The following ANXA4 variants were observed in gnomAD, a reference collection of about 807,000 sequenced individuals.
ANXA4 encodes annexin A4.
In ANXA4, 39 loss-of-function variants were observed where a neutral mutation model predicts 49.8. That is an observed-to-expected ratio of 0.78 (90% CI 0.61 to 1.02). ANXA4 has a LOEUF of 1.02. ANXA4 is among the 50% of genes least tolerant of loss of function. The pLI is 0.00. For missense variants in ANXA4, 360 were observed against 410.1 expected, an observed-to-expected ratio of 0.88 and a Z score of 1.05; for synonymous variants, 134 against 152.5, an observed-to-expected ratio of 0.88 and a Z score of 0.89.
At chr2:69,818,370 G>A in intron 9 of ANXA4, 1 of 300,672 alleles carries the variant, frequency 3.3e-6, no homozygotes, top group Non-Finnish European at 6.2e-6. Context: ...ATAAGGGAAA[G>A]GACTTGACTG....
rs1670940396 is a variant in ANXA4 at position 69,753,655 on chromosome 2, T to C, written c.-47+11480T>C. Among the ~76,000 whole-genome samples the C allele has an allele frequency of 2.0e-5, 3 of 152,314 alleles. No individual in the cohort carries two copies. The South Asian group carries it at 6.2e-4, about 32-fold the overall frequency. On this transcript the variant is annotated intron_variant, in intron 1 of 12. Coordinates refer to ENST00000394295, the MANE Select transcript of ANXA4 (RefSeq NM_001153.5). The stretch of plus-strand genomic sequence containing the variant: ...CAAAGCGTCTTAGCAGGTTTGTCCT[T>C]ATTTCTTTTTGGTCAGAAGTGGGTC...
intron 2 of ANXA4, among the ~76,000 whole-genome samples, chr2:69,703,098 C>T (rs560037770): frequency 6.6e-6 from 1 of 152,260 alleles, no homozygotes; most frequent in East Asian, 1.9e-4. Context: ...TTCCCTGCCC[C>T]CTTTCTCACC....
At chr2:69,704,994 T>C (rs1164431590) in intron 2 of ANXA4, among the ~76,000 whole-genome samples, 1 of 152,180 alleles carries the variant, frequency 6.6e-6, no homozygotes, top group African/African-American at 2.4e-5. Flanking sequence ...TATTAAAGTA[T>C]AGTATCTTAC....
chr2:69,778,640 C>A (rs1050153199), intron 1 of ANXA4, among the ~76,000 whole-genome samples: 1 of 151,910 alleles, frequency 6.6e-6, no homozygotes, highest in Non-Finnish European at 1.5e-5. Flanking sequence ...CCAGGCATGG[C>A]GGCACATGCT....
At chr2:69,735,778 T>C (rs1432748810) in intron 3 of ANXA4, among the ~76,000 whole-genome samples, 2 of 152,156 alleles carry the variant, frequency 1.3e-5, no homozygotes, top group Non-Finnish European at 2.9e-5. Context: ...AATCATTTAT[T>C]ATTATCTCTC....
chr2:69,722,743 C>G (rs987888926), intron 3 of ANXA4, among the ~76,000 whole-genome samples: 1 of 150,796 alleles, frequency 6.6e-6, no homozygotes, highest in African/African-American at 2.4e-5. Context: ...AATTTATGCA[C>G]GTCAAAATGT....
intron 2 of ANXA4, among the ~76,000 whole-genome samples, chr2:69,693,969 A>G (rs1175635536): frequency 2.0e-5 from 3 of 152,066 alleles, no homozygotes; most frequent in Admixed American, 2.0e-4. Flanking sequence ...GCCCACTTGA[A>G]TCTCCTGGCT....
At chr2:69,739,112 T>C (rs1670317009), upstream of ANXA4, among the ~76,000 whole-genome samples, 1 of 152,180 alleles carries the variant, frequency 6.6e-6, no homozygotes, top group African/African-American at 2.4e-5. Context: ...CTGTGCAGTG[T>C]TGGGAATGCT....
chr2:69,758,218 C>T (rs1410701374), intron 1 of ANXA4, among the ~76,000 whole-genome samples: 6 of 152,110 alleles, frequency 3.9e-5, no homozygotes, highest in Admixed American at 3.9e-4. Flanking sequence ...TCACCATGTT[C>T]GCCAGGCTGG....
At chr2:69,776,332 A>G (rs1478069091) in intron 1 of ANXA4, among the ~76,000 whole-genome samples, 1 of 152,118 alleles carries the variant, frequency 6.6e-6, no homozygotes, top group Admixed American at 6.5e-5. Flanking sequence ...CCATGTGGCC[A>G]CCCAGGAATC....
At chr2:69,817,215 A>C (rs1674034417) in intron 9 of ANXA4, 1 of 151,306 alleles carries the variant, frequency 6.6e-6, no homozygotes, top group Admixed American at 6.6e-5. Flanking sequence ...ACTTCTGGGT[A>C]CAAGTCAATA....
intron 2 of ANXA4, among the ~76,000 whole-genome samples, chr2:69,701,551 A>C (rs939195245): frequency 3.3e-5 from 5 of 152,192 alleles, no homozygotes; most frequent in African/African-American, 1.2e-4. Context: ...CTTCCTTTTA[A>C]GGCTGAATAG....
At chr2:69,720,491 G>A (rs1669787372) in intron 2 of ANXA4, among the ~76,000 whole-genome samples, 1 of 152,194 alleles carries the variant, frequency 6.6e-6, no homozygotes, top group African/African-American at 2.4e-5. Context: ...TGAGGATGGA[G>A]GGCTCTGCAT....
At position 69,757,258 on chromosome 2, in the gene ANXA4, ATATATATATTTTTTTTTTTT is replaced by A. The variant is rs1339208351; in HGVS notation, c.-47+15085_-47+15104del. Among the ~76,000 whole-genome samples, 106 of 42,872 alleles carry A rather than the reference ATATATATATTTTTTTTTTTT, an allele frequency of 2.5e-3. 1 individual carries two copies. The highest frequency in any genetic ancestry group is 0.014 in the African/African-American group (103 of 7,530). The allele number at this position is 42,872 out of a possible 152,430, so 28.1% of individuals were successfully genotyped here. ...TTGTTTTATATATATATATATATAT[ATATATATATTTTTTTTTTTT>A]TTTTTTTTTTTAGGTGGAGTCTCGC... is the stretch of plus-strand genomic sequence containing the variant. On this transcript the variant is annotated intron_variant, in intron 1 of 12. Transcript: ENST00000394295.
intron 2 of ANXA4, among the ~76,000 whole-genome samples, chr2:69,712,035 T>TC: frequency 6.6e-6 from 1 of 152,232 alleles, no homozygotes; most frequent in Admixed American, 6.5e-5. Context: ...TTTATTTTTT[T>TC]CTCTTCATTC....
intron 1 of ANXA4, among the ~76,000 whole-genome samples, chr2:69,768,944 A>C (rs1186008731): frequency 6.6e-6 from 1 of 151,912 alleles, no homozygotes; most frequent in Non-Finnish European, 1.5e-5. Flanking sequence ...ACAAAAAAAA[A>C]CCTCCACCAA....
chr2:69,740,901 A>T (rs1380757793), upstream of ANXA4, among the ~76,000 whole-genome samples: 1 of 135,198 alleles, frequency 7.4e-6, no homozygotes, highest in Non-Finnish European at 1.6e-5. Context: ...CACATTGGCC[A>T]GGCTTATCTC....
chr2:69,741,222 A>T (rs548022180), upstream of ANXA4, among the ~76,000 whole-genome samples: 1 of 152,262 alleles, frequency 6.6e-6, no homozygotes, highest in East Asian at 1.9e-4. Context: ...TCTGTTTTTT[A>T]AAAAAACTGA....
Position 69,761,749 on chromosome 2 carries a change from C to T in ANXA4, c.-47+19574C>T, listed in dbSNP as rs146267250. Among the ~76,000 whole-genome samples, 143 of 149,616 alleles carry T rather than the reference C, an allele frequency of 9.6e-4. 2 individuals are homozygous for T. Among genetic ancestry groups the T allele is most frequent in the Admixed American group, 7.9e-3 (118 of 15,014 alleles). On this transcript the variant is annotated intron_variant, in intron 1 of 12. Transcript: ENST00000394295. ...CAGCCTGGACAACATGGTGAGACCC[C>T]GTCTGTGACAGAGCAAGATGCTGTC...
Sources: allele counts gnomAD v4.1 joint callset (sites outside exome capture counted in the v4.1 genomes callset), GRCh38; gene constraint gnomAD v4.1.1; transcripts MANE v1.5; gene names NCBI Gene and HGNC (gene_info 2026-07-23, HGNC 2026-07-21).